The following FAM234A variants were observed in gnomAD, a reference collection of about 807,000 sequenced individuals.
FAM234A encodes the protein protein FAM234A.
FAM234A carries 42 observed loss-of-function variants against 49.1 expected under a neutral mutation model. That is an observed-to-expected ratio of 0.86 (90% CI 0.67 to 1.11). The LOEUF (loss-of-function observed/expected upper bound fraction) is 1.11. Ranked by LOEUF, FAM234A falls within the 50% of genes least tolerant of loss-of-function variation. FAM234A has a pLI of 0.00. For synonymous variants in FAM234A, 369 were observed against 316.2 expected, an observed-to-expected ratio of 1.17 and a Z score of -1.77; for missense variants, 815 against 745.2, an observed-to-expected ratio of 1.09 and a Z score of -1.09.
chr16:236,604 G>A (rs1306445898), intron 1 of FAM234A, among the ~76,000 whole-genome samples: 1 of 144,382 alleles, frequency 6.9e-6, no homozygotes, highest in Non-Finnish European at 1.5e-5. Context: ...GAGACATAGC[G>A]AGACTGTCTC....
chr16:249,105 T>G (rs1259201899), intron 1 of FAM234A, among the ~76,000 whole-genome samples: 1 of 151,996 alleles, frequency 6.6e-6, no homozygotes, highest in Non-Finnish European at 1.5e-5. Context: ...AAGCTTGCTG[T>G]GAACTCCAAG....
At chr16:259,288 C>G (rs989355538) in intron 3 of FAM234A, among the ~76,000 whole-genome samples, 195 bp from the exon 4 acceptor site, 1 of 152,142 alleles carries the variant, frequency 6.6e-6, no homozygotes, top group African/African-American at 2.4e-5. Flanking sequence ...TGAAGGTTAA[C>G]ACTAGGCATT....
In FAM234A at chr16:262,501, C is replaced by A. The variant is rs756759582; in HGVS notation, c.919C>A (p.Pro307Thr). The A allele has an allele frequency of 3.1e-6, 5 of 1,612,650 alleles. No homozygotes were observed. The highest frequency in any genetic ancestry group is 4.2e-6 in the Non-Finnish European group (5 of 1,179,422). The change falls in exon 8 of 13, where the codon CCG becomes ACG. Residue 307 changes from proline (P) to threonine (T), a missense_variant. Physicochemically the swap from Pro to Thr is conservative, Grantham distance 38. Coordinates refer to ENST00000399932, the MANE Select transcript of FAM234A (RefSeq NM_032039.4). ...GAGCGGCGGCCCGTTCAAGAGTGAC[C>A]CGCACTGGGAGAGCATGCTCAATGC... ...TGSGGPFKSD[P>T]HWESMLNATT... is the part of the protein sequence containing the mutation.
chr16:252,064 G>A (rs2051038607), intron 2 of FAM234A, among the ~76,000 whole-genome samples: 1 of 150,408 alleles, frequency 6.6e-6, no homozygotes, highest in Admixed American at 6.6e-5. Flanking sequence ...GCGGTGGCAT[G>A]ATCAGAGCTC....
rs12051501 is a variant in FAM234A, at chr16:253,028, A to T, written c.-33-1353A>T. 5.2e-3 allele frequency among the ~76,000 whole-genome samples: 788 copies of T among 152,352 alleles called. 42 individuals carry two copies. In the East Asian group the frequency reaches 0.11, roughly 22 times the overall value. On this transcript the variant is annotated intron_variant, in intron 2 of 12. Coordinates refer to ENST00000399932, the MANE Select transcript of FAM234A (RefSeq NM_032039.4). ...GGTTTGGTTGTTTAAAAGGAACCAA[A>T]ATAACAAAAATCTTGCCTGAGACAA...
chr16:236,085 T>C (rs182724480), intron 1 of FAM234A, among the ~76,000 whole-genome samples: 4 of 152,186 alleles, frequency 2.6e-5, no homozygotes, highest in African/African-American at 9.6e-5. Context: ...CCCAAGTAGC[T>C]GTGATTACAG....
chr16:260,895 C>T (rs2141340931), intron 5 of FAM234A: 5 of 328,614 alleles, frequency 1.5e-5, no homozygotes, highest in South Asian at 1.2e-4. Flanking sequence ...TCCGGGCGCA[C>T]ACCTCCATTC....
At position 263,941 on chromosome 16, in the gene FAM234A, C is replaced by T. The variant is rs1567227041; in HGVS notation, c.1189-75C>T. 15 of 1,514,118 alleles carry T rather than the reference C, an allele frequency of 9.9e-6. No individual in the cohort carries two copies. In the Middle Eastern group the frequency reaches 5.2e-4, roughly 52 times the overall value. 93.8% of individuals were successfully genotyped at this position (1,514,118 alleles called of 1,614,324 possible). On this transcript the variant is annotated intron_variant, in intron 10 of 12. Transcript: ENST00000399932. ...TCCAGGGCTGGCATGGCTGAGGGCA[C>T]GTGTGCCTGTGCAAGCCTCGAGCTT... is the stretch of plus-strand genomic sequence containing the variant.
Position 262,482 on chromosome 16 carries a change from CG to C in FAM234A, c.902del (p.Gly301AlafsTer31). The C allele has an allele frequency of 6.2e-7, 1 of 1,612,154 alleles. No individual in the cohort carries two copies. The highest frequency in any genetic ancestry group is 1.7e-5 in the Admixed American group (1 of 59,664). ...GLYEKVTGSG[G>X]PFKSDPHWES... ...TCTACGAGAAGGTGACCGGGAGCGG[CG>C]GCCCGTTCAAGAGTGACCCGCACTG... On this transcript the variant is annotated frameshift_variant, in exon 8 of 13. Transcript: ENST00000399932. LOFTEE classifies it high-confidence loss of function.
intron 1 of FAM234A, among the ~76,000 whole-genome samples, chr16:236,793 C>T (rs2050416098): frequency 8.4e-6 from 1 of 118,928 alleles, no homozygotes. Context: ...GTAGTCCCAG[C>T]TACGCGGGAG....
intron 3 of FAM234A, 28 bp downstream of exon 3, chr16:254,709 G>C (rs1315281304): frequency 1.2e-6 from 2 of 1,608,086 alleles, no homozygotes; most frequent in East Asian, 4.5e-5. Flanking sequence ...CGCCCAGTGG[G>C]GTCCAAAGCA....
chr16:237,139 C>T (rs931502887), intron 1 of FAM234A, among the ~76,000 whole-genome samples: 5 of 152,032 alleles, frequency 3.3e-5, no homozygotes, highest in Non-Finnish European at 7.4e-5. Context: ...CTCCTGGCTT[C>T]AAGCAGTCCT....
Position 265,169 on chromosome 16 carries a change from C to A in FAM234A, c.*147C>A. ...ACTGGGCAGCAGCAGCCTTACCAGT[C>A]CTCCATGATCACACCCAGGGACCTG... On this transcript the variant is annotated 3_prime_UTR_variant, in exon 13 of 13. Coordinates refer to ENST00000399932, the MANE Select transcript of FAM234A (RefSeq NM_032039.4). The A allele has an allele frequency of 7.0e-7, 1 of 1,428,270 alleles. No homozygotes were observed. The highest frequency in any genetic ancestry group is 1.5e-5 in the South Asian group (1 of 65,186). The allele number at this position is 1,428,270 out of a possible 1,614,324, so 88.5% of individuals were successfully genotyped here. A position where few individuals can be genotyped will look rare whatever the true frequency, so the allele number is the denominator to read the frequency against.
chr16:260,491 G>C (rs1021078665), intron 5 of FAM234A: 2 of 497,660 alleles, frequency 4.0e-6, no homozygotes, highest in Admixed American at 4.8e-5. Flanking sequence ...GGGTGTCAGT[G>C]GTGGCAGTGC....
chr16:238,083 A>C (rs1432885240), intron 1 of FAM234A, among the ~76,000 whole-genome samples: 2 of 151,954 alleles, frequency 1.3e-5, no homozygotes, highest in African/African-American at 4.8e-5. Flanking sequence ...CAGTGGCTCC[A>C]TCTTGGCCCA....
In FAM234A at chr16:261,410, A is replaced by T; in HGVS notation, c.604A>T (p.Ser202Cys). The T allele has an allele frequency of 2.5e-6, 4 of 1,612,838 alleles. No individual in the cohort carries two copies. The highest frequency in any genetic ancestry group is 3.4e-6 in the Non-Finnish European group (4 of 1,179,184). Residue 202 changes from serine (S) to cysteine (C), a missense_variant, in exon 6 of 13, where the codon AGC becomes TGC. Ser to Cys is a moderately radical substitution (Grantham distance 112, BLOSUM62 -1). Coordinates refer to ENST00000399932, the MANE Select transcript of FAM234A (RefSeq NM_032039.4). Reference sequence around the variant, plus strand: ...GGAAACCCTGTGGAACCACAGCAGCAGCTTCAGCGGGAATGCGTCCATCCT... The same window carrying T: ...GGAAACCCTGTGGAACCACAGCAGCTGCTTCAGCGGGAATGCGTCCATCCT... ...TGETLWNHSS[S>C]FSGNASILSP...
At chr16:238,892 G>A (rs2050508820) in intron 1 of FAM234A, among the ~76,000 whole-genome samples, 1 of 148,646 alleles carries the variant, frequency 6.7e-6, no homozygotes, top group Non-Finnish European at 1.5e-5. Context: ...AGACTATCCT[G>A]GCTAACATGG....
downstream of FAM234A, among the ~76,000 whole-genome samples, chr16:266,798 C>G (rs996829944): frequency 6.6e-6 from 1 of 152,014 alleles, no homozygotes; most frequent in South Asian, 2.1e-4. Flanking sequence ...TCTGCGGACG[C>G]GTCCTATAAG....
At position 253,447 on chromosome 16, in the gene FAM234A, TC is replaced by T. The variant is rs1361103044; in HGVS notation, c.-33-933del. On this transcript the variant is annotated intron_variant, in intron 2 of 12. Coordinates refer to ENST00000399932, the MANE Select transcript of FAM234A (RefSeq NM_032039.4). ...GTAGTGTTTGAATGTTTACTGTGTA[TC>T]ATATGATCTTATAAGTACTTTATAT... 1.3e-4 allele frequency among the ~76,000 whole-genome samples: 20 copies of T among 152,312 alleles called. No homozygotes were observed. The East Asian group carries it at 3.7e-3, about 28-fold the overall frequency.
Sources: gnomAD v4.1 joint callset for allele counts (sites outside exome capture counted in the v4.1 genomes callset) on GRCh38, gnomAD v4.1.1 for gene constraint, MANE v1.5 for transcripts, NCBI Gene and HGNC (gene_info 2026-07-23, HGNC 2026-07-21) for gene names.